CLNK: variants seen among roughly 807,000 people sequenced by gnomAD.
CLNK encodes cytokine-dependent hematopoietic cell linker.
CLNK carries 74 observed loss-of-function variants against 68.6 expected under a neutral mutation model. The ratio of observed to expected loss-of-function variants is 1.08; its 90% CI spans 0.89 to 1.31. The LOEUF (loss-of-function observed/expected upper bound fraction) is 1.31. Ranked by LOEUF, CLNK falls within the 50% of genes most tolerant of loss-of-function variation. CLNK has a pLI of 0.00. For missense variants in CLNK, 553 were observed against 515.3 expected (o/e 1.07, Z -0.71); for synonymous variants, 198 against 172.2 (o/e 1.15, Z -1.17).
the CLNK span, among the ~76,000 whole-genome samples, chr4:10,694,317 A>G: frequency 6.6e-6 from 1 of 151,906 alleles, no homozygotes; most frequent in East Asian, 1.9e-4. Context: ...CCTGAAGGTA[A>G]GGAACAAGGG....
the CLNK span, among the ~76,000 whole-genome samples, chr4:10,703,043 G>A: frequency 1.3e-5 from 2 of 152,190 alleles, no homozygotes; most frequent in South Asian, 2.1e-4. Context: ...GCATCAACAG[G>A]GCAGCATTCA....
chr4:10,733,896 A>AT, the CLNK span, among the ~76,000 whole-genome samples: 6 of 152,380 alleles, frequency 3.9e-5, no homozygotes, highest in South Asian at 8.3e-4. Flanking sequence ...ATTCTCCTGA[A>AT]GAGTCGTTTC....
At chr4:10,696,288 T>A in the CLNK span, among the ~76,000 whole-genome samples, 1 of 152,190 alleles carries the variant, frequency 6.6e-6, no homozygotes, top group Non-Finnish European at 1.5e-5. Context: ...TGTTTAGACC[T>A]AGCTCTGGCT....
chr4:10,705,480 T>A, the CLNK span, among the ~76,000 whole-genome samples: 44,681 of 152,024 alleles, frequency 0.29, 6,729 homozygotes, highest in African/African-American at 0.33. Context: ...TTCCTTTTTG[T>A]GGCTCCAGGG....
At chr4:10,551,391 T>G (rs1719447361) in intron 8 of CLNK, among the ~76,000 whole-genome samples, 1 of 151,352 alleles carries the variant, frequency 6.6e-6, no homozygotes, top group Admixed American at 6.6e-5. Context: ...ATTACAGGTG[T>G]GCACCACCAT....
intron 5 of CLNK, among the ~76,000 whole-genome samples, chr4:10,571,373 C>T (rs182884981): frequency 2.8e-5 from 4 of 142,454 alleles, no homozygotes; most frequent in African/African-American, 7.9e-5. Context: ...TCGCTCTTGC[C>T]GCCCAGGCTG....
chr4:10,528,084 G>A lies in CLNK; in HGVS notation c.641C>T (p.Ala214Val). The A allele has an allele frequency of 7.4e-7, 1 of 1,355,680 alleles. No homozygotes were observed. The highest frequency in any genetic ancestry group is 9.7e-7 in the Non-Finnish European group (1 of 1,033,188). The allele number at this position is 1,355,680 out of a possible 1,614,324, so 84.0% of individuals were successfully genotyped here. A position where few individuals can be genotyped will look rare whatever the true frequency, so the allele number is the denominator to read the frequency against. The stretch of plus-strand genomic sequence containing the variant: ...AAATGTAAACAATTCACCTTTTTCT[G>A]CTTCAAGGACCTGTATTGAATTAAA... ...SLRDLSEVLE[A>V]EKVPHNQRKP... Residue 214 changes from alanine (A) to valine (V), a missense_variant, in exon 13 of 19, where the codon GCA (alanine) becomes GTA (valine). By Grantham distance (64) the Ala-to-Val change is moderately conservative. Transcript: ENST00000226951.
chr4:10,654,821 G>T (rs916519365), intron 2 of CLNK, among the ~76,000 whole-genome samples: 1 of 151,982 alleles, frequency 6.6e-6, no homozygotes, highest in African/African-American at 2.4e-5. Flanking sequence ...ATGATTTCTC[G>T]GCCAGGCGTG....
chr4:10,644,225 A>G (rs1186568582), intron 2 of CLNK, among the ~76,000 whole-genome samples: 1 of 152,220 alleles, frequency 6.6e-6, no homozygotes, highest in African/African-American at 2.4e-5. Context: ...TTCAGGCACA[A>G]GCTTTGCTTT....
chr4:10,526,911 G>C (rs1210492932), intron 13 of CLNK, among the ~76,000 whole-genome samples: 2 of 152,166 alleles, frequency 1.3e-5, no homozygotes, highest in Non-Finnish European at 1.5e-5. Context: ...CACTCTCCCA[G>C]CTGTGACCGT....
At chr4:10,543,199 G>A (rs1174573635) in intron 8 of CLNK, among the ~76,000 whole-genome samples, 1 of 152,198 alleles carries the variant, frequency 6.6e-6, no homozygotes, top group African/African-American at 2.4e-5. Context: ...ATGTCAAGTA[G>A]AGAAGGACAA....
intron 2 of CLNK, among the ~76,000 whole-genome samples, chr4:10,646,750 C>T (rs180825358): frequency 6.6e-6 from 1 of 152,082 alleles, no homozygotes; most frequent in Non-Finnish European, 1.5e-5. Flanking sequence ...TGCCTATATT[C>T]CGCAGGAGAG....
chr4:10,727,460 G>C, the CLNK span, among the ~76,000 whole-genome samples: 2 of 152,228 alleles, frequency 1.3e-5, no homozygotes, highest in African/African-American at 4.8e-5. Context: ...GAGGGGGTCA[G>C]TCTAATTAAA....
At chr4:10,525,223 C>G (rs1339729611) in intron 14 of CLNK, among the ~76,000 whole-genome samples, 1 of 152,156 alleles carries the variant, frequency 6.6e-6, no homozygotes, top group Non-Finnish European at 1.5e-5. Flanking sequence ...CGCCACCACA[C>G]TCGGCTAATT....
chr4:10,543,128 A>G (rs1444342658), intron 8 of CLNK, among the ~76,000 whole-genome samples: 2 of 152,170 alleles, frequency 1.3e-5, no homozygotes, highest in East Asian at 3.9e-4. Context: ...ACATGTTGCC[A>G]TAGGCTTTAT....
chr4:10,625,106 T>C (rs2108864204), intron 2 of CLNK, among the ~76,000 whole-genome samples: 1 of 152,318 alleles, frequency 6.6e-6, no homozygotes, highest in Non-Finnish European at 1.5e-5. Flanking sequence ...AAGATCACAG[T>C]AGCATTAGCT....
Position 10,537,633 on chromosome 4 carries a change from CT to C in CLNK, c.602+2860del, listed in dbSNP as rs1560206739. 7.6e-5 allele frequency among the ~76,000 whole-genome samples: 10 copies of C among 132,306 alleles called. No homozygotes were observed. The South Asian group carries it at 1.1e-3, about 15-fold the overall frequency. The allele number at this position is 132,306 out of a possible 152,430, so 86.8% of individuals were successfully genotyped here. A position where few individuals can be genotyped will look rare whatever the true frequency, so the allele number is the denominator to read the frequency against. On this transcript the variant is annotated intron_variant, in intron 11 of 18. Transcript: ENST00000226951. ...CCTTTCTCTCTCTCTTTCTTTCTTT[CT>C]TTCTCTTTCTTTCTTTCTTTCTTTC... is the stretch of plus-strand genomic sequence containing the variant.
intron 2 of CLNK, among the ~76,000 whole-genome samples, chr4:10,601,137 T>C (rs1721577696): frequency 6.6e-6 from 1 of 152,148 alleles, no homozygotes; most frequent in African/African-American, 2.4e-5. Context: ...AACGGGACCC[T>C]AGAGTGGAGA....
chr4:10,702,333 G>C, the CLNK span, among the ~76,000 whole-genome samples: 1 of 152,070 alleles, frequency 6.6e-6, no homozygotes, highest in Non-Finnish European at 1.5e-5. Context: ...AAAAAAATGG[G>C]CCATAAAGTG....
Sources: gnomAD v4.1 joint callset for allele counts (sites outside exome capture counted in the v4.1 genomes callset) on GRCh38, gnomAD v4.1.1 for gene constraint, MANE v1.5 for transcripts, NCBI Gene and HGNC (gene_info 2026-07-23, HGNC 2026-07-21) for gene names.